MYH10: variants seen among roughly 807,000 people sequenced by gnomAD.
The protein encoded by MYH10 is myosin-10.
Under a neutral mutation model 257.8 loss-of-function variants are expected in MYH10, and 55 were observed. The observed-to-expected ratio is 0.21, with a 90% CI of 0.17 to 0.27. MYH10 has a LOEUF of 0.27. Among genes scored for constraint, MYH10 ranks in the 10% least tolerant of loss-of-function variants. The probability of loss-of-function intolerance (pLI) is 1.00; values close to 1 mark genes in which losing one functional copy is unlikely to be tolerated. For synonymous variants in MYH10, 854 were observed against 921.7 expected (o/e 0.93, Z 1.33); for missense variants, 1,631 against 2,500.6 (o/e 0.65, Z 7.42).
chr17:8,534,534 G>A (rs1041383606), intron 16 of MYH10, among the ~76,000 whole-genome samples: 6 of 152,218 alleles, frequency 3.9e-5, no homozygotes, highest in Admixed American at 6.5e-5. Context: ...CCCTCAGCCT[G>A]CCTGCTTCCA....
chr17:8,562,895 A>G (rs894348475), intron 7 of MYH10, among the ~76,000 whole-genome samples: 2 of 152,214 alleles, frequency 1.3e-5, no homozygotes, highest in Non-Finnish European at 2.9e-5. Flanking sequence ...ATTAGTTTCA[A>G]AAATTTTGTT....
At chr17:8,489,036 G>C (rs1915330496) in intron 35 of MYH10, among the ~76,000 whole-genome samples, 1 of 152,128 alleles carries the variant, frequency 6.6e-6, no homozygotes, top group Non-Finnish European at 1.5e-5. Context: ...TGGGAGATGA[G>C]GTCATAAAAG....
At chr17:8,605,603 G>A (rs2084766803) in intron 2 of MYH10, among the ~76,000 whole-genome samples, 1 of 152,058 alleles carries the variant, frequency 6.6e-6, no homozygotes. Flanking sequence ...AATTAGCCGG[G>A]CACAGTGGCA....
At position 8,552,604 on chromosome 17, in the gene MYH10, T is replaced by C. The variant is rs1384756968; in HGVS notation, c.821-460A>G. On this transcript the variant is annotated intron_variant, in intron 8 of 42. Transcript: ENST00000360416. This position sits in a 1 kb window ranked among gnomAD's most constrained non-coding sequence, Gnocchi z 4.8. ...TAGTCAAAATAATATAGTTAATAAG[T>C]GGTACAGTTAGGAACCAAAAACTTG... 6.6e-6 allele frequency among the ~76,000 whole-genome samples: 1 copy of C among 152,194 alleles called. No individual in the cohort carries two copies. Among genetic ancestry groups the C allele is most frequent in the Non-Finnish European group, 1.5e-5 (1 of 68,026 alleles).
At chr17:8,485,776 T>G (rs1693671070) in intron 36 of MYH10, among the ~76,000 whole-genome samples, 1 of 152,184 alleles carries the variant, frequency 6.6e-6, no homozygotes, top group Non-Finnish European at 1.5e-5. Flanking sequence ...TGGCAGTTCC[T>G]CAAAGTTAAA....
chr17:8,606,335 G>C (rs2084805050), intron 2 of MYH10, among the ~76,000 whole-genome samples: 2 of 152,298 alleles, frequency 1.3e-5, no homozygotes, highest in Admixed American at 1.3e-4. Context: ...GCTGACAGAT[G>C]CTCTAACCCT....
intron 36 of MYH10, among the ~76,000 whole-genome samples, chr17:8,484,525 C>T (rs185761423): frequency 5.9e-5 from 9 of 152,108 alleles, no homozygotes; most frequent in Admixed American, 3.9e-4. Context: ...ACAAGGATAT[C>T]GTAAGAAAAC....
Position 8,492,841 on chromosome 17 carries a change from C to T in MYH10, c.4393G>A (p.Val1465Met). The T allele has an allele frequency of 6.2e-7, 1 of 1,614,102 alleles. No individual in the cohort carries two copies. Among genetic ancestry groups the T allele is most frequent in the Non-Finnish European group, 8.5e-7 (1 of 1,180,026 alleles). Residue 1465 changes from valine (V) to methionine (M), a missense_variant, in exon 33 of 43, where the codon GTG (valine) becomes ATG (methionine). Coordinates refer to ENST00000360416, the MANE Select transcript of MYH10 (RefSeq NM_001256012.3). Reference sequence around the variant, plus strand: ...ACCTGGCGCTGGTGGTCCAGGTCCACCGTGAGGTCGTCCAGCTCCTGCTGC... The same window carrying T: ...ACCTGGCGCTGGTGGTCCAGGTCCATCGTGAGGTCGTCCAGCTCCTGCTGC... ...RLQQELDDLT[V>M]DLDHQRQVAS...
At position 8,493,812 on chromosome 17, in the gene MYH10, T is replaced by G; in HGVS notation, c.4130A>C (p.Asn1377Thr). 1 of 1,614,030 alleles carries G rather than the reference T, an allele frequency of 6.2e-7. No individual in the cohort carries two copies. The highest frequency in any genetic ancestry group is 8.5e-7 in the Non-Finnish European group (1 of 1,179,950). ...CTCCTCCTGCTGCTCCTGAAGACTGTTCTTCTCCTCTTCCAGCTGCCGGAT... is the reference window on the plus strand; with the variant it reads ...CTCCTCCTGCTGCTCCTGAAGACTGGTCTTCTCCTCTTCCAGCTGCCGGAT... ...SRIRQLEEEK[N>T]SLQEQQEEEE... Residue 1377 changes from asparagine (N) to threonine (T), a missense_variant, in exon 32 of 43, where the codon AAC becomes ACC. Physicochemically the swap from Asn to Thr is moderately conservative, Grantham distance 65. This residue lies in a region of MYH10 where 463 missense variants were observed against 621.8 expected (regional missense o/e 0.74). Transcript: ENST00000360416.
At chr17:8,491,720 T>C (rs117739537) in intron 34 of MYH10, among the ~76,000 whole-genome samples, 3,147 of 152,282 alleles carry the variant, frequency 0.021, 57 homozygotes, top group Middle Eastern at 0.044. Flanking sequence ...TGTTTTGCTA[T>C]CTTCAACACG....
chr17:8,610,742 C>A (rs60097784), intron 2 of MYH10, among the ~76,000 whole-genome samples: 1 of 152,142 alleles, frequency 6.6e-6, no homozygotes, highest in African/African-American at 2.4e-5. Context: ...CAAGAAGGCC[C>A]CACCAGATGC....
At position 8,545,023 on chromosome 17, in the gene MYH10, C is replaced by A. The variant is rs564120012; in HGVS notation, c.1431+425G>T. ...CGACCTGGCCCCATGCTCTTCTCCA[C>A]GTCTCCAACTCCTCTCTCCCTCTGG... On this transcript the variant is annotated intron_variant, in intron 13 of 42. Coordinates refer to ENST00000360416, the MANE Select transcript of MYH10 (RefSeq NM_001256012.3). The surrounding 1 kb of genome is among the most constrained non-coding windows in gnomAD (Gnocchi z 4.7). Among the ~76,000 whole-genome samples, 2 of 152,196 alleles carry A rather than the reference C, an allele frequency of 1.3e-5. No homozygotes were observed. Among genetic ancestry groups the A allele is most frequent in the Non-Finnish European group, 1.5e-5 (1 of 68,028 alleles).
Position 8,535,798 on chromosome 17 carries a change from T to C in MYH10, c.1739A>G (p.Lys580Arg). Reference protein sequence around the residue: ...HSKFQKPRQLKDKADFCIIHY... With the variant: ...HSKFQKPRQLRDKADFCIIHY... ...TATAATGCAAAAATCAGCTTTGTCT[T>C]TTAATTGTCGAGGTTTCTGAAACTT... Residue 580 changes from lysine to arginine, a missense_variant, in exon 15 of 43, where the codon AAA becomes AGA. By Grantham distance (26) the Lys-to-Arg change is conservative (BLOSUM62 2). Transcript: ENST00000360416. The surrounding 1 kb of genome is among the most constrained non-coding windows in gnomAD (Gnocchi z 4.3). 4.3e-6 allele frequency: 7 copies of C among 1,614,198 alleles called. No homozygotes were observed. Among genetic ancestry groups the C allele is most frequent in the Non-Finnish European group, 5.9e-6 (7 of 1,180,032 alleles).
intron 16 of MYH10, among the ~76,000 whole-genome samples, chr17:8,532,116 C>G (rs1567857626): frequency 6.6e-6 from 1 of 152,240 alleles, no homozygotes; most frequent in Non-Finnish European, 1.5e-5. Flanking sequence ...TCCACCTAAG[C>G]TGAAGAGCGA....
In MYH10 at chr17:8,476,900, A is replaced by C; in HGVS notation, c.5855T>G (p.Val1952Gly). 1 of 1,610,706 alleles carries C rather than the reference A, an allele frequency of 6.2e-7. No individual in the cohort carries two copies. The highest frequency in any genetic ancestry group is 8.5e-7 in the Non-Finnish European group (1 of 1,179,750). ...TEANEGLSRE[V>G]STLKNRLRRG... ...CCTCAGCCGGTTCTTCAGGGTGCTGACCTCGCGGCTCAGGCCCTCGTTGGC... is the reference window on the plus strand; with the variant it reads ...CCTCAGCCGGTTCTTCAGGGTGCTGCCCTCGCGGCTCAGGCCCTCGTTGGC... The change falls in exon 42 of 43, where the codon GTC becomes GGC. Residue 1952 changes from valine to glycine, a missense_variant. This residue lies in a region of MYH10 where 343 missense variants were observed against 389.5 expected (regional missense o/e 0.88). Transcript: ENST00000360416.
chr17:8,556,554 GCC>G (rs2032499387), intron 7 of MYH10, among the ~76,000 whole-genome samples: 1 of 152,212 alleles, frequency 6.6e-6, no homozygotes, highest in Admixed American at 6.5e-5. Flanking sequence ...TACTTGACAT[GCC>G]AGACGTTACT....
chr17:8,600,568 T>TA (rs1162008552), intron 3 of MYH10, among the ~76,000 whole-genome samples: 1 of 152,174 alleles, frequency 6.6e-6, no homozygotes, highest in African/African-American at 2.4e-5. Flanking sequence ...TGAAGGACCT[T>TA]ACGATCAAGG....
chr17:8,562,293 C>T (rs1265104949), intron 7 of MYH10, among the ~76,000 whole-genome samples: 4 of 152,226 alleles, frequency 2.6e-5, no homozygotes, highest in Non-Finnish European at 5.9e-5. Context: ...TGGGACCTGA[C>T]GTCACTTGAG....
At chr17:8,553,762 C>A (rs2082710742) in intron 8 of MYH10, among the ~76,000 whole-genome samples, 193 bp downstream of exon 8, 1 of 152,170 alleles carries the variant, frequency 6.6e-6, no homozygotes, top group South Asian at 2.1e-4. Context: ...TAAGTTATGG[C>A]CTGGTTTTAC....
Sources: allele counts gnomAD v4.1 joint callset (sites outside exome capture counted in the v4.1 genomes callset), GRCh38; gene constraint gnomAD v4.1.1; regional missense constraint gnomAD v4.1.1; non-coding constraint Gnocchi (gnomAD v3.1); transcripts MANE v1.5; gene names NCBI Gene and HGNC (gene_info 2026-07-23, HGNC 2026-07-21).